The following MED23 variants were observed in gnomAD, a reference collection of about 807,000 sequenced individuals.
MED23 encodes mediator complex subunit 23.
A neutral mutation model predicts 163.9 loss-of-function variants in MED23; 105 were observed. The ratio of observed to expected loss-of-function variants is 0.64; its 90% CI spans 0.55 to 0.75. The LOEUF is 0.75. MED23 is among the 30% of genes least tolerant of loss of function. MED23 has a pLI of 0.00. For missense variants in MED23, 1,054 were observed against 1,649.0 expected, an observed-to-expected ratio of 0.64 and a Z score of 6.25; for synonymous variants, 561 against 565.6, an observed-to-expected ratio of 0.99 and a Z score of 0.12.
Position 131,578,968 on chromosome 6 carries a change from T to G in MED23, c.4096-4673A>C, listed in dbSNP as rs900757382. 1.8e-5 allele frequency: 17 copies of G among 928,918 alleles called. No homozygotes were observed. The African/African-American group carries it at 2.0e-4, about 11-fold the overall frequency. The allele number at this position is 928,918 out of a possible 1,614,324, so 57.5% of individuals were successfully genotyped here. On this transcript the variant is annotated intron_variant, in intron 30 of 30. Coordinates refer to the MED23 transcript ENST00000354577. ...AAGCAAAAGCAGACATGGGTCTACC[T>G]TCCCAAGATTTACAGACCTTTCAGG...
intron 11 of MED23, among the ~76,000 whole-genome samples, chr6:131,608,337 G>A (rs1160129876): frequency 6.6e-6 from 1 of 152,042 alleles, no homozygotes; most frequent in Non-Finnish European, 1.5e-5. Flanking sequence ...CAATGTTTTA[G>A]AACATAGTCA....
In MED23 at chr6:131,587,172, T is replaced by C. The variant is rs1216409346; in HGVS notation, c.*507A>G. 1 of 1,171,120 alleles carries C rather than the reference T, an allele frequency of 8.5e-7. No homozygotes were observed. Among genetic ancestry groups the C allele is most frequent in the Non-Finnish European group, 1.1e-6 (1 of 935,976 alleles). The allele number at this position is 1,171,120 out of a possible 1,614,324, so 72.5% of individuals were successfully genotyped here. Reference sequence around the variant, plus strand: ...TTTTAAAAAGAATATGAAGCCTTGTTTGCTCCTACAATGCAACAAAATCTA... The same window carrying C: ...TTTTAAAAAGAATATGAAGCCTTGTCTGCTCCTACAATGCAACAAAATCTA... On this transcript the variant is annotated 3_prime_UTR_variant, in exon 29 of 29. Transcript: ENST00000368068.
Position 131,586,958 on chromosome 6 carries a change from T to C in MED23, c.*721A>G. 6.7e-7 allele frequency: 1 copy of C among 1,484,938 alleles called. No individual in the cohort carries two copies. The allele number at this position is 1,484,938 out of a possible 1,614,324, so 92.0% of individuals were successfully genotyped here. A position where few individuals can be genotyped will look rare whatever the true frequency, so the allele number is the denominator to read the frequency against. On this transcript the variant is annotated 3_prime_UTR_variant, in exon 29 of 29. Transcript: ENST00000368068. ...TCAACCTGCAAAAGCAATTAACTTA[T>C]TTTTAAAAAAAGAAATTGGAGAATC...
In MED23 at chr6:131,596,166, G is replaced by A. The variant is rs1451473139; in HGVS notation, c.2779-3C>T. The A allele has an allele frequency of 1.2e-6, 2 of 1,612,558 alleles. No homozygotes were observed. The highest frequency in any genetic ancestry group is 3.3e-5 in the Admixed American group (2 of 60,016). On this transcript the variant is annotated splice_region_variant and splice_polypyrimidine_tract_variant and intron_variant, in intron 21 of 28. Transcript: ENST00000368068. ...AAATACAACTTCTCTGGATATTTCT[G>A]TGGAATTGAGAAGATGATAAATGGT...
At chr6:131,581,335 A>G in intron 30 of MED23, 2 of 1,613,888 alleles carry the variant, frequency 1.2e-6, no homozygotes, top group Non-Finnish European at 1.7e-6. Flanking sequence ...GGAAACTTGC[A>G]TGGACAACCT....
At chr6:131,622,030 T>G in intron 5 of MED23, 51 bp from the exon 6 acceptor site, 9 of 1,346,026 alleles carry the variant, frequency 6.7e-6, no homozygotes, top group Non-Finnish European at 9.6e-6. Context: ...TCTACTGTGT[T>G]AGCTAAAACG....
intron 14 of MED23, among the ~76,000 whole-genome samples, chr6:131,604,551 T>C (rs910357620): frequency 6.6e-5 from 10 of 152,140 alleles, no homozygotes; most frequent in African/African-American, 2.4e-4. Flanking sequence ...CCCCTGCTCA[T>C]GGAAAAACAA....
intron 23 of MED23, 52 bp from the exon 24 acceptor site, chr6:131,593,223 T>G: frequency 6.2e-7 from 1 of 1,603,092 alleles, no homozygotes; most frequent in Admixed American, 1.7e-5. Context: ...GATTGTCAAT[T>G]TATCTGATTA....
chr6:131,621,810 A>G (rs1777126661), intron 6 of MED23, 71 bp downstream of exon 6: 1 of 959,440 alleles, frequency 1.0e-6, no homozygotes, highest in South Asian at 2.1e-5. Context: ...GTAAGTATTA[A>G]AAGCACAGAC....
chr6:131,583,513 T>C (rs1263528582), downstream of MED23: 33 of 1,613,628 alleles, frequency 2.0e-5, no homozygotes, highest in Non-Finnish European at 2.8e-5. Context: ...TCTGAGGTAA[T>C]AGAGAAGCAA....
At chr6:131,576,754 A>C in intron 30 of MED23, 1 of 1,604,070 alleles carries the variant, frequency 6.2e-7, no homozygotes. Flanking sequence ...TAAGTTGAAA[A>C]ATGATCAGCC....
intron 26 of MED23, among the ~76,000 whole-genome samples, chr6:131,591,106 G>C (rs371049818): frequency 6.6e-6 from 1 of 150,522 alleles, no homozygotes; most frequent in South Asian, 2.1e-4. Flanking sequence ...TTAGCCTCCC[G>C]AGTAGCTGGG....
In MED23 at chr6:131,581,210, C is replaced by T. The variant is rs1773903919; in HGVS notation, c.4095+6499G>A. On this transcript the variant is annotated intron_variant, in intron 30 of 30. Transcript: ENST00000354577. ...ACCTGATGTTCACACAAAATTTTTT[C>T]CCCAAAAGTTTGGCAATTGGAAGCA... 1.2e-6 allele frequency: 2 copies of T among 1,613,608 alleles called. No individual in the cohort carries two copies. Among genetic ancestry groups the T allele is most frequent in the African/African-American group, 1.3e-5 (1 of 74,916 alleles).
chr6:131,591,038 T>C (rs1469029692), intron 26 of MED23, among the ~76,000 whole-genome samples: 4 of 151,746 alleles, frequency 2.6e-5, no homozygotes, highest in African/African-American at 9.7e-5. Flanking sequence ...TGGAGTGCAG[T>C]GGCGCGATCT....
intron 12 of MED23, 112 bp downstream of exon 12, chr6:131,607,816 G>T: frequency 8.3e-7 from 1 of 1,204,792 alleles, no homozygotes; most frequent in Non-Finnish European, 1.2e-6. Flanking sequence ...ACATTCAATT[G>T]TGATTTAGCA....
rs1773910389 is a variant in MED23 at position 131,581,284 on chromosome 6, A to G, written c.4095+6425T>C. The G allele has an allele frequency of 6.2e-7, 1 of 1,613,818 alleles. No homozygotes were observed. Among genetic ancestry groups the G allele is most frequent in the Non-Finnish European group, 8.5e-7 (1 of 1,179,852 alleles). On this transcript the variant is annotated intron_variant, in intron 30 of 30. Transcript: ENST00000354577. ...CCTGATCTTGGAGTCATCTGGGTGGATGCTCACACTGATATCAACACTCCA... is the reference window on the plus strand; with the variant it reads ...CCTGATCTTGGAGTCATCTGGGTGGGTGCTCACACTGATATCAACACTCCA...
At chr6:131,615,815 C>A (rs1285930488) in intron 10 of MED23, 92 bp downstream of exon 10, 3 of 877,752 alleles carry the variant, frequency 3.4e-6, no homozygotes, top group Non-Finnish European at 3.8e-6. Flanking sequence ...TAGTTCTTAA[C>A]TGTTTTGCTC....
intron 17 of MED23, 112 bp downstream of exon 17, chr6:131,602,106 T>C: frequency 7.9e-7 from 1 of 1,270,660 alleles, no homozygotes; most frequent in Non-Finnish European, 1.1e-6. Context: ...CAACAGGCTT[T>C]TTTCAAACAA....
intron 10 of MED23, among the ~76,000 whole-genome samples, chr6:131,613,797 T>G (rs1328447457): frequency 6.6e-6 from 1 of 152,134 alleles, no homozygotes; most frequent in African/African-American, 2.4e-5. Context: ...AAACTTTTTT[T>G]AGGTTGAAAC....
Sources: gnomAD v4.1 joint callset for allele counts (sites outside exome capture counted in the v4.1 genomes callset) on GRCh38, gnomAD v4.1.1 for gene constraint, MANE v1.5 for transcripts, NCBI Gene and HGNC (gene_info 2026-07-23, HGNC 2026-07-21) for gene names.